The following FAM193A variants were observed in gnomAD, a reference collection of about 807,000 sequenced individuals.
FAM193A encodes the protein protein FAM193A.
Under a neutral mutation model 126.5 loss-of-function variants are expected in FAM193A, and 22 were observed. The ratio of observed to expected loss-of-function variants is 0.17; its 90% CI spans 0.12 to 0.25. The LOEUF (loss-of-function observed/expected upper bound fraction) is 0.25, where lower values mean the gene tolerates loss of function less well. FAM193A is among the 10% of genes least tolerant of loss of function. The pLI is 1.00. For synonymous variants in FAM193A, 761 were observed against 646.8 expected (o/e 1.18, Z -2.68); for missense variants, 1,675 against 1,672.8 (o/e 1.00, Z -0.02).
At chr4:2,683,953 C>G (rs1715445680) in intron 13 of FAM193A, among the ~76,000 whole-genome samples, 1 of 152,242 alleles carries the variant, frequency 6.6e-6, no homozygotes, top group Non-Finnish European at 1.5e-5. Context: ...CGTGTCGTCT[C>G]CTGATGAGTC....
intron 18 of FAM193A, among the ~76,000 whole-genome samples, chr4:2,696,866 A>G (rs1717097509): frequency 6.6e-6 from 1 of 152,118 alleles, no homozygotes; most frequent in Admixed American, 6.5e-5. Flanking sequence ...AGCAGCAGAC[A>G]CTCCAGCTTT....
Position 2,672,112 on chromosome 4 carries a change from TC to T in FAM193A, c.2080-7del. 6.2e-7 allele frequency: 1 copy of T among 1,612,656 alleles called. No homozygotes were observed. The highest frequency in any genetic ancestry group is 1.1e-5 in the South Asian group (1 of 91,066). ...ACTAAATAGGTATGTTTTTTTTCTT[TC>T]CTCTTAGGCTGAACAAGCTCCAAAC... On this transcript the variant is annotated splice_region_variant and splice_polypyrimidine_tract_variant and intron_variant, in intron 12 of 20. Transcript: ENST00000637812.
rs1737436428 is a variant in FAM193A at position 2,544,593 on chromosome 4, A to G, written c.255+7423A>G. Among the ~76,000 whole-genome samples, 3 of 151,906 alleles carry G rather than the reference A, an allele frequency of 2.0e-5. No homozygotes were observed. The South Asian group carries it at 6.2e-4, about 32-fold the overall frequency. Reference sequence around the variant, plus strand: ...GTGGTGGGCGCCTGTAATCCTAGCTACTCGGGAGGCTGAGGCAGGAGAATT... The same window carrying G: ...GTGGTGGGCGCCTGTAATCCTAGCTGCTCGGGAGGCTGAGGCAGGAGAATT... On this transcript the variant is annotated intron_variant, in intron 1 of 20. Coordinates refer to ENST00000637812, the MANE Select transcript of FAM193A (RefSeq NM_001366318.2).
chr4:2,582,356 C>G (rs894334358), intron 1 of FAM193A, among the ~76,000 whole-genome samples: 2 of 152,124 alleles, frequency 1.3e-5, no homozygotes, highest in African/African-American at 4.8e-5. Context: ...GCCCAGGCTA[C>G]TCCTGAACTC....
chr4:2,691,859 A>C lies in FAM193A; in HGVS notation c.2803+889A>C, dbSNP rs117281838. Among the ~76,000 whole-genome samples, 32 of 152,296 alleles carry C rather than the reference A, an allele frequency of 2.1e-4. No homozygotes were observed. The East Asian group carries it at 6.0e-3, about 28-fold the overall frequency. On this transcript the variant is annotated intron_variant, in intron 15 of 20. Transcript: ENST00000637812. ...AGAATCCATAAGGATTGGGATGCTC[A>C]AACAGAGCAGTAGGGTGGGAAGCTC...
At chr4:2,620,891 A>C (rs1308496492) in intron 2 of FAM193A, among the ~76,000 whole-genome samples, 4 of 151,634 alleles carry the variant, frequency 2.6e-5, no homozygotes, top group Non-Finnish European at 5.9e-5. Flanking sequence ...TCAGCCACCC[A>C]GATCCGTGAA....
At chr4:2,628,342 A>T (rs1451399958) in intron 4 of FAM193A, among the ~76,000 whole-genome samples, 1 of 151,786 alleles carries the variant, frequency 6.6e-6, no homozygotes, top group Non-Finnish European at 1.5e-5. Context: ...TCTCTGTGGT[A>T]TGTGCTTTTA....
intron 1 of FAM193A, among the ~76,000 whole-genome samples, chr4:2,576,958 C>T (rs942084703): frequency 6.6e-6 from 1 of 152,170 alleles, no homozygotes; most frequent in East Asian, 1.9e-4. Context: ...AGTTTAGAGC[C>T]AGTAATTGCT....
chr4:2,714,024 A>G (rs924357266), intron 19 of FAM193A, among the ~76,000 whole-genome samples: 1 of 152,226 alleles, frequency 6.6e-6, no homozygotes, highest in African/African-American at 2.4e-5. Flanking sequence ...CTAGTCAGGA[A>G]AAGAGAGTAT....
intron 2 of FAM193A, among the ~76,000 whole-genome samples, chr4:2,624,238 G>A (rs987628477): frequency 1.3e-5 from 2 of 151,892 alleles, no homozygotes; most frequent in Non-Finnish European, 2.9e-5. Context: ...GTGCGGTGGC[G>A]CGATCTCGGC....
intron 2 of FAM193A, among the ~76,000 whole-genome samples, chr4:2,603,259 T>C (rs1254674037): frequency 6.9e-6 from 1 of 145,614 alleles, no homozygotes; most frequent in Non-Finnish European, 1.5e-5. Flanking sequence ...GCTGGGATTA[T>C]AGGTGTGAGC....
chr4:2,712,599 T>C (rs1214330830), intron 19 of FAM193A, among the ~76,000 whole-genome samples: 1 of 152,202 alleles, frequency 6.6e-6, no homozygotes, highest in Non-Finnish European at 1.5e-5. Flanking sequence ...TAGGACGTTC[T>C]CTTGTGTGAA....
At chr4:2,599,801 A>G (rs566363553) in intron 2 of FAM193A, among the ~76,000 whole-genome samples, 1 of 151,622 alleles carries the variant, frequency 6.6e-6, no homozygotes, top group Admixed American at 6.6e-5. Flanking sequence ...CAGTGGTGCA[A>G]TCTCAGCTCA....
intron 1 of FAM193A, among the ~76,000 whole-genome samples, chr4:2,543,064 A>G (rs1249474357): frequency 6.6e-6 from 1 of 151,700 alleles, no homozygotes; most frequent in Non-Finnish European, 1.5e-5. Context: ...TGGGCAAGGT[A>G]TCAACCTTGC....
intron 1 of FAM193A, among the ~76,000 whole-genome samples, chr4:2,552,847 CTTTTTTTTTTTTTT>C (rs5855745): frequency 8.4e-6 from 1 of 119,398 alleles, no homozygotes; most frequent in Admixed American, 8.7e-5. Flanking sequence ...ACAGAACTTT[CTTTTTTTTTTTTTT>C]TTTTTTGAGA....
At chr4:2,611,389 C>T (rs1741864048) in intron 2 of FAM193A, among the ~76,000 whole-genome samples, 1 of 152,136 alleles carries the variant, frequency 6.6e-6, no homozygotes. Context: ...TTGTCTCAGC[C>T]TCCCATGTAG....
intron 13 of FAM193A, among the ~76,000 whole-genome samples, chr4:2,682,632 G>A (rs1288551920): frequency 6.6e-6 from 1 of 151,956 alleles, no homozygotes; most frequent in Non-Finnish European, 1.5e-5. Flanking sequence ...GCGTTTTATG[G>A]TTTTATCTCC....
intron 1 of FAM193A, among the ~76,000 whole-genome samples, chr4:2,539,295 T>C (rs1737077722): frequency 6.6e-6 from 1 of 152,192 alleles, no homozygotes; most frequent in African/African-American, 2.4e-5. Context: ...CTTGAGCTTG[T>C]GGGCTCAAGG....
chr4:2,555,988 C>G (rs568940057), intron 1 of FAM193A, among the ~76,000 whole-genome samples: 1 of 151,256 alleles, frequency 6.6e-6, no homozygotes, highest in African/African-American at 2.4e-5. Flanking sequence ...CCCTGAACCT[C>G]CAGGTTCAGG....
Sources: allele counts gnomAD v4.1 joint callset (sites outside exome capture counted in the v4.1 genomes callset), GRCh38; gene constraint gnomAD v4.1.1; transcripts MANE v1.5; gene names NCBI Gene and HGNC (gene_info 2026-07-23, HGNC 2026-07-21).